TRPC7: variants seen among roughly 807,000 people sequenced by gnomAD.
TRPC7 encodes short transient receptor potential channel 7.
TRPC7 carries 42 observed loss-of-function variants against 90.1 expected under a neutral mutation model. That is an observed-to-expected ratio of 0.47 (90% CI 0.36 to 0.60). TRPC7 has a LOEUF of 0.60. Among genes scored for constraint, TRPC7 ranks in the 20% least tolerant of loss-of-function variants. TRPC7 has a pLI of 0.00. For synonymous variants in TRPC7, 451 were observed against 436.3 expected, an observed-to-expected ratio of 1.03 and a Z score of -0.42; for missense variants, 955 against 1,112.3, an observed-to-expected ratio of 0.86 and a Z score of 2.01.
chr5:136,332,048 TGAGA>T (rs977338988), intron 2 of TRPC7, among the ~76,000 whole-genome samples: 37 of 152,038 alleles, frequency 2.4e-4, no homozygotes, highest in Admixed American at 2.2e-3. Flanking sequence ...GAGGCTGCAT[TGAGA>T]GAGAGTGCTA....
At chr5:136,258,938 A>G (rs930470533) in intron 5 of TRPC7, among the ~76,000 whole-genome samples, 2 of 152,214 alleles carry the variant, frequency 1.3e-5, no homozygotes, top group Non-Finnish European at 2.9e-5. Flanking sequence ...AAGTCCTAAC[A>G]TCAAAACACT....
chr5:136,276,890 G>A (rs1757381882), intron 3 of TRPC7, among the ~76,000 whole-genome samples: 1 of 152,232 alleles, frequency 6.6e-6, no homozygotes, highest in Admixed American at 6.5e-5. Context: ...AGCATGGGGT[G>A]CAGTCACTTT....
chr5:136,274,579 A>T, intron 4 of TRPC7, 94 bp downstream of exon 4: 1 of 1,285,422 alleles, frequency 7.8e-7, no homozygotes, highest in Non-Finnish European at 1.0e-6. Context: ...TATGGGAAAA[A>T]ATCAGCTGCT....
chr5:136,291,147 A>T (rs1757932438), intron 3 of TRPC7, among the ~76,000 whole-genome samples: 1 of 152,236 alleles, frequency 6.6e-6, no homozygotes, highest in South Asian at 2.1e-4. Context: ...AGAAGCTCTA[A>T]ACATGGAAAG....
intron 3 of TRPC7, among the ~76,000 whole-genome samples, chr5:136,299,990 T>G (rs1464236766): frequency 6.6e-6 from 1 of 152,172 alleles, no homozygotes; most frequent in Non-Finnish European, 1.5e-5. Flanking sequence ...AAGAACATAA[T>G]GATTAGTATA....
At chr5:136,292,605 A>G (rs1757999694) in intron 3 of TRPC7, among the ~76,000 whole-genome samples, 1 of 152,190 alleles carries the variant, frequency 6.6e-6, no homozygotes, top group South Asian at 2.1e-4. Context: ...AAGAAGCTGA[A>G]TCTCTGAATA....
At chr5:136,249,462 T>C (rs568068790) in intron 6 of TRPC7, among the ~76,000 whole-genome samples, 1 of 152,368 alleles carries the variant, frequency 6.6e-6, no homozygotes, top group African/African-American at 2.4e-5. Flanking sequence ...ATATCTGTCA[T>C]CTTCTATGGA....
chr5:136,357,185 G>T lies in TRPC7; in HGVS notation c.203C>A (p.Thr68Asn). Residue 68 changes from threonine to asparagine, a missense_variant, in exon 2 of 12, where the codon ACC becomes AAC. Transcript: ENST00000513104. ...GTAGTCCACACAGTTGAAGTTAAGG[G>T]TCTTGGACTCCTCCAGCATTTTCCG... ...VVRKMLEESK[T>N]LNFNCVDYMG... 6.2e-7 allele frequency: 1 copy of T among 1,613,974 alleles called. No homozygotes were observed. Among genetic ancestry groups the T allele is most frequent in the Non-Finnish European group, 8.5e-7 (1 of 1,179,984 alleles).
At chr5:136,362,789 T>A (rs1370383109) in intron 1 of TRPC7, among the ~76,000 whole-genome samples, 1 of 152,164 alleles carries the variant, frequency 6.6e-6, no homozygotes, top group Non-Finnish European at 1.5e-5. Flanking sequence ...TCTGAGTTTC[T>A]TTAGGCTATA....
At position 136,213,177 on chromosome 5, in the gene TRPC7, T is replaced by C; in HGVS notation, c.*258A>G. The C allele has an allele frequency of 2.1e-6, 1 of 474,034 alleles. No individual in the cohort carries two copies. Among genetic ancestry groups the C allele is most frequent in the Non-Finnish European group, 3.8e-6 (1 of 262,802 alleles). The allele number at this position is 474,034 out of a possible 1,614,324, so 29.4% of individuals were successfully genotyped here. On this transcript the variant is annotated 3_prime_UTR_variant, in exon 12 of 12. Transcript: ENST00000513104. The stretch of plus-strand genomic sequence containing the variant: ...TTTCACTGTGGCTGGACCAAAGGTC[T>C]CACACTCGTCAGGGGGCTGTTCCTC...
chr5:136,315,864 T>C, intron 2 of TRPC7, 85 bp from the exon 3 acceptor site: 1 of 1,320,178 alleles, frequency 7.6e-7, no homozygotes, highest in East Asian at 2.4e-5. Context: ...GATCAGCAAC[T>C]GCTCACCACA....
intron 3 of TRPC7, among the ~76,000 whole-genome samples, chr5:136,307,704 C>T (rs1407958030): frequency 6.6e-6 from 1 of 152,112 alleles, no homozygotes; most frequent in African/African-American, 2.4e-5. Flanking sequence ...GGATAGAGTC[C>T]AGGTATGCTG....
At chr5:136,312,017 T>C (rs1033848447) in intron 3 of TRPC7, among the ~76,000 whole-genome samples, 4 of 152,186 alleles carry the variant, frequency 2.6e-5, no homozygotes, top group East Asian at 1.9e-4. Flanking sequence ...ATTCCAACTT[T>C]CCTGATGAGG....
intron 2 of TRPC7, among the ~76,000 whole-genome samples, chr5:136,336,896 T>G (rs532835029): frequency 1.3e-5 from 2 of 152,294 alleles, no homozygotes; most frequent in Admixed American, 1.3e-4. Context: ...GCATCTGCCT[T>G]TATTCATCAG....
intron 2 of TRPC7, among the ~76,000 whole-genome samples, chr5:136,339,405 C>T (rs1759773742): frequency 6.6e-6 from 1 of 152,154 alleles, no homozygotes; most frequent in Non-Finnish European, 1.5e-5. Context: ...AAATTCTAAC[C>T]AGTCATTGTT....
intron 2 of TRPC7, among the ~76,000 whole-genome samples, chr5:136,336,940 C>G (rs1340225902): frequency 1.3e-5 from 2 of 152,158 alleles, no homozygotes; most frequent in Non-Finnish European, 1.5e-5. Context: ...CAGGACTTGG[C>G]CAAGGTCACA....
At chr5:136,301,257 C>T (rs1042590738) in intron 3 of TRPC7, among the ~76,000 whole-genome samples, 1 of 150,832 alleles carries the variant, frequency 6.6e-6, no homozygotes, top group Non-Finnish European at 1.5e-5. Flanking sequence ...AAACTCCTGA[C>T]GTCAGATGAT....
intron 1 of TRPC7, among the ~76,000 whole-genome samples, chr5:136,359,654 A>G (rs535628330): frequency 1.3e-5 from 2 of 152,258 alleles, no homozygotes; most frequent in East Asian, 1.9e-4. Flanking sequence ...ACTTATTATT[A>G]TAGGGTTTTC....
chr5:136,296,387 C>G (rs1277881757), intron 3 of TRPC7, among the ~76,000 whole-genome samples: 1 of 152,046 alleles, frequency 6.6e-6, no homozygotes, highest in African/African-American at 2.4e-5. Context: ...ATTTCAAGAA[C>G]CATAGCAAAT....
Sources: gnomAD v4.1 joint callset for allele counts (sites outside exome capture counted in the v4.1 genomes callset) on GRCh38, gnomAD v4.1.1 for gene constraint, MANE v1.5 for transcripts, NCBI Gene and HGNC (gene_info 2026-07-23, HGNC 2026-07-21) for gene names.